The following PDE3A variants were observed in gnomAD, a reference collection of about 807,000 sequenced individuals.
PDE3A encodes the protein cGMP-inhibited 3',5'-cyclic phosphodiesterase 3A.
In PDE3A, 43 loss-of-function variants were observed where a neutral mutation model predicts 98.3. That is an observed-to-expected ratio of 0.44 (90% confidence interval 0.34 to 0.56). The LOEUF is 0.56. Ranked by LOEUF, PDE3A falls within the 20% of genes least tolerant of loss-of-function variation. The pLI, the probability that PDE3A is intolerant of heterozygous loss-of-function variation, is 0.01. For missense variants in PDE3A, 1,427 were observed against 1,440.7 expected (o/e 0.99, Z 0.15); for synonymous variants, 663 against 567.9 (o/e 1.17, Z -2.38).
intron 1 of PDE3A, among the ~76,000 whole-genome samples, chr12:20,465,440 TC>T (rs1419805276): frequency 6.6e-6 from 1 of 152,180 alleles, no homozygotes; most frequent in Non-Finnish European, 1.5e-5. Context: ...TGAGACAGTC[TC>T]ACTCTGTCAC....
intron 1 of PDE3A, among the ~76,000 whole-genome samples, chr12:20,547,560 A>G (rs138890115): frequency 1.0e-3 from 152 of 152,306 alleles, no homozygotes; most frequent in Non-Finnish European, 1.8e-3. Context: ...CTGCTGTAAA[A>G]GAATAGTTTT....
chr12:20,590,522 C>T lies in PDE3A; in HGVS notation c.1012-22921C>T, dbSNP rs1008134014. ...GGGTGTGGTGGCTCACGCTTCTAAT[C>T]GCAGCACTTTGAGAGGCTAAGTTGG... On this transcript the variant is annotated intron_variant, in intron 2 of 15. Transcript: ENST00000359062. Among the ~76,000 whole-genome samples, 8 of 151,156 alleles carry T rather than the reference C, an allele frequency of 5.3e-5. No individual in the cohort carries two copies. The Middle Eastern group carries it at 0.01, about 193-fold the overall frequency.
At chr12:20,665,959 CTTT>C (rs35859257) in intron 15 of PDE3A, among the ~76,000 whole-genome samples, 47 of 94,978 alleles carry the variant, frequency 4.9e-4, no homozygotes, top group African/African-American at 1.6e-3. Flanking sequence ...TTTGTCATTT[CTTT>C]TTTTTTTTTT....
rs747134710 is a variant in PDE3A, at chr12:20,650,432, A to C, written c.2770-13A>C. On this transcript the variant is annotated splice_polypyrimidine_tract_variant and intron_variant, in intron 13 of 15. Coordinates refer to ENST00000359062, the MANE Select transcript of PDE3A (RefSeq NM_000921.5). ...TCAAAGCAAAACATATATTAACTTTATCTCTCAAATAGGTAAATGATGATG... is the reference window on the plus strand; with the variant it reads ...TCAAAGCAAAACATATATTAACTTTCTCTCTCAAATAGGTAAATGATGATG... 21 of 1,571,036 alleles carry C rather than the reference A, an allele frequency of 1.3e-5. No individual in the cohort carries two copies. The East Asian group carries it at 2.0e-4, about 15-fold the overall frequency.
chr12:20,616,484 G>C, intron 4 of PDE3A, 100 bp downstream of exon 4: 1 of 1,138,312 alleles, frequency 8.8e-7, no homozygotes, highest in Non-Finnish European at 1.3e-6. Flanking sequence ...AATTACATTT[G>C]GTTGGAGGTC....
chr12:20,397,152 A>G (rs1225108240), intron 1 of PDE3A, among the ~76,000 whole-genome samples: 1 of 152,148 alleles, frequency 6.6e-6, no homozygotes, highest in Non-Finnish European at 1.5e-5. Flanking sequence ...TATGTTTGTA[A>G]GTACATTTAA....
In PDE3A at chr12:20,613,599, A is replaced by G. The variant is rs1943923178; in HGVS notation, c.1168A>G (p.Ile390Val). The G allele has an allele frequency of 6.2e-7, 1 of 1,614,066 alleles. No individual in the cohort carries two copies. Among genetic ancestry groups the G allele is most frequent in the Non-Finnish European group, 8.5e-7 (1 of 1,179,908 alleles). The change falls in exon 3 of 16, where the codon ATT (isoleucine) becomes GTT (valine). Residue 390 changes from isoleucine to valine, a missense_variant. Ile to Val is a conservative substitution (Grantham distance 29). This residue lies in a region of PDE3A where 1,012 missense variants were observed against 886.5 expected (regional missense o/e 1.14). Transcript: ENST00000359062. ...CAGCACACAGCTCACCTTCCAGGCCATTCACAAGCCCAGAGTGAATCCCGT... is the reference window on the plus strand; with the variant it reads ...CAGCACACAGCTCACCTTCCAGGCCGTTCACAAGCCCAGAGTGAATCCCGT... The part of the protein sequence containing the change: ...LLSTQLTFQA[I>V]HKPRVNPVTS...
At chr12:20,541,424 G>A (rs1941907235) in intron 1 of PDE3A, among the ~76,000 whole-genome samples, 1 of 151,664 alleles carries the variant, frequency 6.6e-6, no homozygotes, top group African/African-American at 2.4e-5. Flanking sequence ...TTTAGTTTTT[G>A]CCTTCAATCA....
chr12:20,545,205 T>C (rs1295699333), intron 1 of PDE3A, among the ~76,000 whole-genome samples: 2 of 152,042 alleles, frequency 1.3e-5, no homozygotes, highest in Non-Finnish European at 2.9e-5. Context: ...AGTGGCAGCA[T>C]ATAGGTTTAG....
intron 1 of PDE3A, among the ~76,000 whole-genome samples, chr12:20,493,276 C>T (rs1242226710): frequency 6.6e-6 from 1 of 152,128 alleles, no homozygotes; most frequent in African/African-American, 2.4e-5. Context: ...CATATATGGA[C>T]AGTCAGCCCT....
rs747377541 is a variant in PDE3A at position 20,654,222 on chromosome 12, A to G, written c.3184+17A>G. 3.7e-6 allele frequency: 6 copies of G among 1,611,312 alleles called. No homozygotes were observed. In the Admixed American group the frequency reaches 1.0e-4, roughly 27 times the overall value. ...AATCTCCAAGTAAGTTCTAAAACCT[A>G]GTTCTAATGTGTTTTCCCTGGGATT... On this transcript the variant is annotated intron_variant, in intron 15 of 15. Coordinates refer to ENST00000359062, the MANE Select transcript of PDE3A (RefSeq NM_000921.5).
At chr12:20,445,988 G>A (rs1944946702) in intron 1 of PDE3A, among the ~76,000 whole-genome samples, 1 of 152,070 alleles carries the variant, frequency 6.6e-6, no homozygotes, top group Non-Finnish European at 1.5e-5. Context: ...CATCCAGACA[G>A]CAGTGCATGG....
intron 15 of PDE3A, among the ~76,000 whole-genome samples, chr12:20,665,955 ATTTCTT>A (rs200630544): frequency 0.04 from 4,940 of 123,136 alleles, 140 homozygotes; most frequent in African/African-American, 0.088. Context: ...AGTATTTGTC[ATTTCTT>A]TTTTTTTTTT....
chr12:20,408,165 C>G (rs970156017), intron 1 of PDE3A, among the ~76,000 whole-genome samples: 1 of 152,070 alleles, frequency 6.6e-6, no homozygotes, highest in Non-Finnish European at 1.5e-5. Context: ...GTGATCCACC[C>G]GCTTCAGCCC....
rs146554307 is a variant in PDE3A, at chr12:20,471,260, AT to A, written c.961-85397del. On this transcript the variant is annotated intron_variant, in intron 1 of 15. Coordinates refer to ENST00000359062, the MANE Select transcript of PDE3A (RefSeq NM_000921.5). ...AGGGTAGAGCGCAACCAAATTTTTA[AT>A]TTGTCTACAAGTGGTTTTCAGCCTT... Among the ~76,000 whole-genome samples, 553 of 152,202 alleles carry A rather than the reference AT, an allele frequency of 3.6e-3. 5 individuals are homozygous for A. The highest frequency in any genetic ancestry group is 0.012 in the African/African-American group (515 of 41,534).
intron 2 of PDE3A, among the ~76,000 whole-genome samples, chr12:20,587,348 G>A (rs1020099073): frequency 7.9e-5 from 12 of 152,212 alleles, no homozygotes; most frequent in East Asian, 1.9e-4. Context: ...CAGCCTGGGC[G>A]ACAGAGCAAG....
chr12:20,609,988 A>G (rs2121440090), intron 2 of PDE3A, among the ~76,000 whole-genome samples: 1 of 152,134 alleles, frequency 6.6e-6, no homozygotes, highest in South Asian at 2.1e-4. Context: ...TGACCTTGGC[A>G]ATGAATTCTT....
chr12:20,440,782 C>CT (rs1944857994), intron 1 of PDE3A, among the ~76,000 whole-genome samples: 1 of 152,106 alleles, frequency 6.6e-6, no homozygotes, highest in Admixed American at 6.5e-5. Context: ...ATTGTGGAAG[C>CT]TTAGCTTTCT....
At chr12:20,419,498 G>A (rs1944476022) in intron 1 of PDE3A, among the ~76,000 whole-genome samples, 1 of 151,424 alleles carries the variant, frequency 6.6e-6, no homozygotes, top group Admixed American at 6.6e-5. Flanking sequence ...TTTAGAGACA[G>A]GGTCTCTAAA....
Sources: gnomAD v4.1 joint callset for allele counts (sites outside exome capture counted in the v4.1 genomes callset) on GRCh38, gnomAD v4.1.1 for gene constraint, gnomAD v4.1.1 regional missense constraint, MANE v1.5 for transcripts, NCBI Gene and HGNC (gene_info 2026-07-23, HGNC 2026-07-21) for gene names.